The following ARHGAP29 variants were observed in gnomAD, a reference collection of about 807,000 sequenced individuals.
ARHGAP29 encodes the protein Rho GTPase activating protein 29, also known as rho GTPase-activating protein 29.
A neutral mutation model predicts 122.6 loss-of-function variants in ARHGAP29; 43 were observed. The observed-to-expected ratio is 0.35, with a 90% CI of 0.27 to 0.45. The LOEUF (loss-of-function observed/expected upper bound fraction) is 0.45, where lower values mean the gene tolerates loss of function less well. Ranked by LOEUF, ARHGAP29 falls within the 20% of genes least tolerant of loss-of-function variation. The probability of loss-of-function intolerance (pLI) is 1.00; values close to 1 mark genes in which losing one functional copy is unlikely to be tolerated. For synonymous variants in ARHGAP29, 506 were observed against 497.1 expected, an observed-to-expected ratio of 1.02 and a Z score of -0.24; for missense variants, 1,303 against 1,477.2, an observed-to-expected ratio of 0.88 and a Z score of 1.93.
At chr1:94,281,537 A>C in the ARHGAP29 span, among the ~76,000 whole-genome samples, 1 of 152,216 alleles carries the variant, frequency 6.6e-6, no homozygotes, top group African/African-American at 2.4e-5. Flanking sequence ...GAACATATCA[A>C]AGCATTCGTC....
intron 1 of ARHGAP29, among the ~76,000 whole-genome samples, chr1:94,243,375 T>C (rs1385733181): frequency 2.0e-5 from 3 of 152,142 alleles, no homozygotes; most frequent in African/African-American, 7.2e-5. Context: ...AAAATTAAAT[T>C]TGAAACTAGT....
chr1:94,186,441 C>A, intron 16 of ARHGAP29, 58 bp downstream of exon 16: 1 of 1,185,126 alleles, frequency 8.4e-7, no homozygotes, highest in Non-Finnish European at 1.2e-6. Context: ...TATCTAATAT[C>A]ATGCAGTGCT....
At chr1:94,189,113 T>C in intron 14 of ARHGAP29, 103 bp downstream of exon 14, 5 of 1,450,194 alleles carry the variant, frequency 3.4e-6, no homozygotes, top group Non-Finnish European at 4.7e-6. Context: ...ACTTACAAAC[T>C]AAGGCCTGAT....
chr1:94,180,019 T>G (rs972259819), intron 19 of ARHGAP29, 62 bp from the exon 20 acceptor site: 9 of 1,099,090 alleles, frequency 8.2e-6, no homozygotes, highest in African/African-American at 1.6e-5. Flanking sequence ...AATCAACTAT[T>G]ACTAACAGTT....
At chr1:94,233,278 G>A (rs773805649) in intron 1 of ARHGAP29, among the ~76,000 whole-genome samples, 1 of 151,956 alleles carries the variant, frequency 6.6e-6, no homozygotes, top group African/African-American at 2.4e-5. Flanking sequence ...TGTAATATCC[G>A]TTTCTAGTCA....
chr1:94,291,102 C>T, the ARHGAP29 span, among the ~76,000 whole-genome samples: 2 of 152,106 alleles, frequency 1.3e-5, no homozygotes, highest in Non-Finnish European at 2.9e-5. Flanking sequence ...CTGGGTGCTC[C>T]TGTATTGGGT....
rs1027816470 is a variant in ARHGAP29 at position 94,254,010 on chromosome 1, C to T, written c.-33+21002G>A. Among the ~76,000 whole-genome samples, 19 of 152,314 alleles carry T rather than the reference C, an allele frequency of 1.2e-4. 1 individual carries two copies. Among genetic ancestry groups the T allele is most frequent in the African/African-American group, 4.6e-4 (19 of 41,576 alleles). ...ATAGTATTAGAAGAACTATTATCATCCAACCATTTAGATACCTGGATTTAA... is the reference window on the plus strand; with the variant it reads ...ATAGTATTAGAAGAACTATTATCATTCAACCATTTAGATACCTGGATTTAA... On this transcript the variant is annotated intron_variant and NMD_transcript_variant, in intron 1 of 25. Coordinates refer to the ARHGAP29 transcript ENST00000552844.
Position 94,170,189 on chromosome 1 carries a change from T to C in ARHGAP29, c.*3680A>G, listed in dbSNP as rs1355499392. On this transcript the variant is annotated 3_prime_UTR_variant, in exon 23 of 23. Coordinates refer to ENST00000260526, the MANE Select transcript of ARHGAP29 (RefSeq NM_004815.4). ...CTAATTTTACAATGGAGAAACCTGG[T>C]ATATACTATCTGAACCAAGTGACCA... Among the ~76,000 whole-genome samples the C allele has an allele frequency of 6.6e-6, 1 of 152,220 alleles. No individual in the cohort carries two copies. Among genetic ancestry groups the C allele is most frequent in the East Asian group, 1.9e-4 (1 of 5,196 alleles).
intron 3 of ARHGAP29, among the ~76,000 whole-genome samples, chr1:94,217,959 T>A (rs1176012969): frequency 6.6e-6 from 1 of 152,170 alleles, no homozygotes; most frequent in African/African-American, 2.4e-5. Flanking sequence ...TAGCTACTAC[T>A]GTACATTTAT....
chr1:94,230,418 A>G (rs1269869801), intron 2 of ARHGAP29, among the ~76,000 whole-genome samples: 4 of 151,794 alleles, frequency 2.6e-5, no homozygotes, highest in Admixed American at 2.6e-4. Context: ...TGTTGTTTTA[A>G]GGAAAACTCA....
At chr1:94,235,889 C>A (rs1453603575) in intron 1 of ARHGAP29, among the ~76,000 whole-genome samples, 10 of 152,156 alleles carry the variant, frequency 6.6e-5, no homozygotes, top group Non-Finnish European at 1.5e-4. Context: ...CGCTGCCCCA[C>A]GCATGCCCCC....
At chr1:94,295,739 A>AATTCCACACAATGTGGAATCTTCTC in the ARHGAP29 span, among the ~76,000 whole-genome samples, 1 of 151,280 alleles carries the variant, frequency 6.6e-6, no homozygotes, top group Non-Finnish European at 1.5e-5. Flanking sequence ...GGAATCTTCT[A>AATTCCACACAATGTGGAATCTTCTC]ATTCCACACA....
At chr1:94,231,185 T>C (rs1184704930) in intron 2 of ARHGAP29, among the ~76,000 whole-genome samples, 1 of 152,054 alleles carries the variant, frequency 6.6e-6, no homozygotes, top group African/African-American at 2.4e-5. Context: ...TTTTCTTTTT[T>C]GTATTCTTAT....
At chr1:94,314,384 T>A in the ARHGAP29 span, among the ~76,000 whole-genome samples, 1 of 152,078 alleles carries the variant, frequency 6.6e-6, no homozygotes, top group Non-Finnish European at 1.5e-5. Flanking sequence ...AGTATTGGGG[T>A]TAACTGAACC....
intron 5 of ARHGAP29, among the ~76,000 whole-genome samples, chr1:94,207,426 A>G (rs1404710219): frequency 1.3e-5 from 2 of 152,200 alleles, no homozygotes; most frequent in Admixed American, 6.5e-5. Flanking sequence ...AAAAAAAAGT[A>G]CAAAAGAAAA....
At chr1:94,212,148 G>A (rs1046816690) in intron 3 of ARHGAP29, among the ~76,000 whole-genome samples, 5 of 152,070 alleles carry the variant, frequency 3.3e-5, no homozygotes, top group African/African-American at 9.7e-5. Context: ...GGGTGGTGAC[G>A]CACTCCTGTA....
intron 6 of ARHGAP29, 52 bp downstream of exon 6, chr1:94,205,573 GGACATTCATA>G: frequency 7.0e-7 from 1 of 1,426,408 alleles, no homozygotes; most frequent in Middle Eastern, 1.8e-4. Flanking sequence ...GATTAATCCA[GGACATTCATA>G]GAAAGTAACT....
the ARHGAP29 span, among the ~76,000 whole-genome samples, chr1:94,287,762 T>C: frequency 6.7e-6 from 1 of 150,300 alleles, no homozygotes; most frequent in Admixed American, 6.7e-5. Flanking sequence ...TTTGGTTTTC[T>C]GTCCTTGTGA....
the ARHGAP29 span, among the ~76,000 whole-genome samples, chr1:94,289,870 G>A: frequency 6.6e-6 from 1 of 152,286 alleles, no homozygotes; most frequent in East Asian, 1.9e-4. Flanking sequence ...TAAGCTTTTT[G>A]ATGTCCTGCT....
Sources: allele counts gnomAD v4.1 joint callset (sites outside exome capture counted in the v4.1 genomes callset), GRCh38; gene constraint gnomAD v4.1.1; transcripts MANE v1.5; gene names NCBI Gene and HGNC (gene_info 2026-07-23, HGNC 2026-07-21).